CACNA2D4: variants seen among roughly 807,000 people sequenced by gnomAD.
CACNA2D4 encodes the protein calcium voltage-gated channel auxiliary subunit alpha2delta 4, also known as voltage-dependent calcium channel subunit alpha-2/delta-4.
In CACNA2D4, 157 loss-of-function variants were observed where a neutral mutation model predicts 163.8. That is an observed-to-expected ratio of 0.96 (90% confidence interval 0.84 to 1.09). The LOEUF (loss-of-function observed/expected upper bound fraction) is 1.09. CACNA2D4 is among the 50% of genes least tolerant of loss of function. The probability of loss-of-function intolerance (pLI) is 0.00; values close to 1 mark genes in which losing one functional copy is unlikely to be tolerated. For missense variants in CACNA2D4, 1,410 were observed against 1,479.9 expected, an observed-to-expected ratio of 0.95 and a Z score of 0.78; for synonymous variants, 598 against 586.9, an observed-to-expected ratio of 1.02 and a Z score of -0.27.
intron 35 of CACNA2D4, among the ~76,000 whole-genome samples, chr12:1,796,822 C>T (rs1863142576): frequency 1.3e-5 from 2 of 152,308 alleles, no homozygotes; most frequent in South Asian, 2.1e-4. Context: ...GGCTTGGGTG[C>T]GGGGGGTCAG....
intron 18 of CACNA2D4, among the ~76,000 whole-genome samples, chr12:1,865,454 G>A (rs1860050): frequency 7.2e-5 from 11 of 152,226 alleles, no homozygotes; most frequent in African/African-American, 2.7e-4. Flanking sequence ...GCACAATCGC[G>A]TGCCTGGGGT....
intron 6 of CACNA2D4, among the ~76,000 whole-genome samples, chr12:1,906,267 C>T (rs766077193): frequency 2.0e-5 from 3 of 152,116 alleles, no homozygotes; most frequent in Non-Finnish European, 2.9e-5. Context: ...GGCAGTCATT[C>T]CTTGGGTATG....
chr12:1,871,522 A>G (rs957565839), intron 18 of CACNA2D4, among the ~76,000 whole-genome samples: 4 of 144,584 alleles, frequency 2.8e-5, no homozygotes, highest in Non-Finnish European at 6.0e-5. Flanking sequence ...GTGTGTGTAC[A>G]TGTGTGCCAC....
At chr12:1,797,681 G>T in intron 34 of CACNA2D4, 146 bp from the exon 35 acceptor site, 1 of 703,010 alleles carries the variant, frequency 1.4e-6, no homozygotes, top group Non-Finnish European at 2.5e-6. Context: ...CGTGGGAGGA[G>T]CCGGGCGGGG....
At chr12:1,910,897 C>T (rs540081785) in intron 3 of CACNA2D4, among the ~76,000 whole-genome samples, 1 of 151,728 alleles carries the variant, frequency 6.6e-6, no homozygotes, top group East Asian at 1.9e-4. Context: ...CTGTTTGGGG[C>T]GATGAAAAAG....
At chr12:1,811,592 G>C in intron 27 of CACNA2D4, 70 bp downstream of exon 27, 1 of 1,462,836 alleles carries the variant, frequency 6.8e-7, no homozygotes, top group Non-Finnish European at 9.4e-7. Context: ...CAAGGGGAGG[G>C]AGAGGGGGTC....
rs182403341 is a variant in CACNA2D4, at chr12:1,816,004, G to C, written c.2552-4281C>G. On this transcript the variant is annotated intron_variant, in intron 26 of 37. Coordinates refer to ENST00000382722, the MANE Select transcript of CACNA2D4 (RefSeq NM_172364.5). The stretch of plus-strand genomic sequence containing the variant: ...GGTGTTCTGCCGTGCCCAACCGCTT[G>C]CATCCCCTGGCTTGCATCATATTGA... Among the ~76,000 whole-genome samples, 988 of 152,326 alleles carry C rather than the reference G, an allele frequency of 6.5e-3. 9 individuals carry two copies. The highest frequency in any genetic ancestry group is 0.022 in the African/African-American group (923 of 41,570).
At chr12:1,817,396 T>C (rs893849228) in intron 26 of CACNA2D4, among the ~76,000 whole-genome samples, 2 of 152,120 alleles carry the variant, frequency 1.3e-5, no homozygotes, top group Non-Finnish European at 2.9e-5. Flanking sequence ...CACTGGGGCC[T>C]GAAGGACACG....
chr12:1,878,910 C>T lies in CACNA2D4; in HGVS notation c.1644+46G>A, dbSNP rs1163335152. ...CTCCCATCACGGGGGAGGGAGTTTG[C>T]TCCTGGGGAACCTGTGATCCCCACA... On this transcript the variant is annotated intron_variant, in intron 15 of 37. Transcript: ENST00000382722. The surrounding 1 kb of genome is among the most constrained non-coding windows in gnomAD (Gnocchi z 4.6). 1.9e-6 allele frequency: 3 copies of T among 1,558,212 alleles called. No homozygotes were observed. The highest frequency in any genetic ancestry group is 1.7e-5 in the Admixed American group (1 of 59,068).
chr12:1,841,628 A>C (rs1672409942), intron 25 of CACNA2D4, among the ~76,000 whole-genome samples: 1 of 152,226 alleles, frequency 6.6e-6, no homozygotes, highest in African/African-American at 2.4e-5. Flanking sequence ...TCTTGTCTGC[A>C]GGTCAAATGC....
chr12:1,797,727 A>T, intron 34 of CACNA2D4, 192 bp from the exon 35 acceptor site: 4 of 612,180 alleles, frequency 6.5e-6, no homozygotes, highest in Non-Finnish European at 1.2e-5. Flanking sequence ...GTCTCTGGAG[A>T]GGGTGGCTTG....
At chr12:1,794,269 G>T (rs147388294) in intron 37 of CACNA2D4, among the ~76,000 whole-genome samples, 1 of 152,114 alleles carries the variant, frequency 6.6e-6, no homozygotes, top group Non-Finnish European at 1.5e-5. Flanking sequence ...GTGGCTCTTC[G>T]TTAAAGCACC....
At chr12:1,855,468 C>G (rs1199350946) in intron 22 of CACNA2D4, among the ~76,000 whole-genome samples, 1 of 152,098 alleles carries the variant, frequency 6.6e-6, no homozygotes, top group Admixed American at 6.5e-5. Context: ...GCCATGTGAC[C>G]ATGGAGCAGA....
In CACNA2D4 at chr12:1,809,604, C is replaced by T. The variant is rs1264578712; in HGVS notation, c.2721+674G>A. ...ATCCATTTTGAGGCCCCTTTTGGAG[C>T]CCAGCAAGTATAAAAATATTATTGT... On this transcript the variant is annotated intron_variant, in intron 29 of 37. Coordinates refer to ENST00000382722, the MANE Select transcript of CACNA2D4 (RefSeq NM_172364.5). 8.6e-6 allele frequency: 6 copies of T among 698,302 alleles called. No homozygotes were observed. The South Asian group carries it at 9.0e-5, about 10-fold the overall frequency. The allele number at this position is 698,302 out of a possible 1,614,324, so 43.3% of individuals were successfully genotyped here.
At position 1,817,385 on chromosome 12, in the gene CACNA2D4, G is replaced by A. The variant is rs117115111; in HGVS notation, c.2552-5662C>T. ...CATTCCTCACTCAGTTGACACGAAG[G>A]CACTGGGGCCTGAAGGACACGGAAC... On this transcript the variant is annotated intron_variant, in intron 26 of 37. Coordinates refer to ENST00000382722, the MANE Select transcript of CACNA2D4 (RefSeq NM_172364.5). 1.4e-3 allele frequency among the ~76,000 whole-genome samples: 211 copies of A among 152,204 alleles called. 2 individuals carry two copies. Among genetic ancestry groups the A allele is most frequent in the Admixed American group, 4.4e-3 (68 of 15,282 alleles).
At position 1,828,848 on chromosome 12, in the gene CACNA2D4, TG is replaced by T. The variant is rs1405301304; in HGVS notation, c.2551+11890del. Among the ~76,000 whole-genome samples the T allele has an allele frequency of 6.6e-6, 1 of 152,152 alleles. No individual in the cohort carries two copies. Among genetic ancestry groups the T allele is most frequent in the Non-Finnish European group, 1.5e-5 (1 of 68,026 alleles). Reference sequence around the variant, plus strand: ...AGGAAGCGTGAATGAAGGCAACACTTGGCAGCTGTCAGGGTGAAAGGAGCCC... The same window carrying T: ...AGGAAGCGTGAATGAAGGCAACACTTGCAGCTGTCAGGGTGAAAGGAGCCC... On this transcript the variant is annotated intron_variant, in intron 26 of 37. Transcript: ENST00000382722. The surrounding 1 kb of genome is among the most constrained non-coding windows in gnomAD (Gnocchi z 4.2).
chr12:1,858,553 C>A (rs758657786), intron 20 of CACNA2D4, 24 bp downstream of exon 20: 6 of 1,610,188 alleles, frequency 3.7e-6, no homozygotes, highest in Non-Finnish European at 5.1e-6. Flanking sequence ...CTTAACTGTC[C>A]CTCAGCCCCT....
intron 6 of CACNA2D4, 87 bp from the exon 7 acceptor site, chr12:1,887,156 G>A: frequency 1.1e-6 from 1 of 871,764 alleles, no homozygotes. Flanking sequence ...AGATGGCCAT[G>A]ATCCCCAGGG....
chr12:1,902,169 A>T (rs1224763838), intron 6 of CACNA2D4, among the ~76,000 whole-genome samples: 1 of 148,418 alleles, frequency 6.7e-6, no homozygotes, highest in Non-Finnish European at 1.5e-5. Flanking sequence ...ACATTTCTTC[A>T]TGGTAAAACC....
Sources: allele counts gnomAD v4.1 joint callset (sites outside exome capture counted in the v4.1 genomes callset), GRCh38; gene constraint gnomAD v4.1.1; non-coding constraint Gnocchi (gnomAD v3.1); transcripts MANE v1.5; gene names NCBI Gene and HGNC (gene_info 2026-07-23, HGNC 2026-07-21).